MVB12B: variants seen among roughly 807,000 people sequenced by gnomAD.
MVB12B encodes multivesicular body subunit 12B.
In MVB12B, 16 loss-of-function variants were observed where a neutral mutation model predicts 41.6. The observed-to-expected ratio is 0.38, with a 90% CI of 0.26 to 0.58. MVB12B has a LOEUF of 0.58. MVB12B is among the 20% of genes least tolerant of loss of function. The probability of loss-of-function intolerance (pLI) is 0.62; values close to 1 mark genes in which losing one functional copy is unlikely to be tolerated. For missense variants in MVB12B, 274 were observed against 380.2 expected (o/e 0.72, Z 2.32); for synonymous variants, 133 against 139.7 (o/e 0.95, Z 0.34).
intron 9 of MVB12B, among the ~76,000 whole-genome samples, chr9:126,496,123 C>T (rs894501938): frequency 6.6e-6 from 1 of 152,102 alleles, no homozygotes; most frequent in African/African-American, 2.4e-5. Flanking sequence ...TAGCTGCTTT[C>T]TCTCCTTTGC....
At chr9:126,461,853 G>T (rs1833098670) in intron 7 of MVB12B, among the ~76,000 whole-genome samples, 3 of 86,032 alleles carry the variant, frequency 3.5e-5, no homozygotes, top group African/African-American at 1.4e-4. Context: ...GTGCCCGTGG[G>T]GGTTGAGAGC....
chr9:126,350,075 T>TC lies in MVB12B; in HGVS notation c.204+9448dup, dbSNP rs1829706535. On this transcript the variant is annotated intron_variant, in intron 2 of 9. Coordinates refer to ENST00000361171, the MANE Select transcript of MVB12B (RefSeq NM_033446.3). ...AATTCATTTGGTTTCACACTGTATTTCCCTAGTGGTTAATGAATGATGTTG... is the reference window on the plus strand; with the variant it reads ...AATTCATTTGGTTTCACACTGTATTTCCCCTAGTGGTTAATGAATGATGTTG... Among the ~76,000 whole-genome samples the TC allele has an allele frequency of 2.0e-5, 3 of 152,360 alleles. No homozygotes were observed. The South Asian group carries it at 6.2e-4, about 32-fold the overall frequency.
At chr9:126,464,885 T>G (rs1321872566) in intron 7 of MVB12B, among the ~76,000 whole-genome samples, 1 of 152,202 alleles carries the variant, frequency 6.6e-6, no homozygotes, top group Admixed American at 6.5e-5. Flanking sequence ...GGAATGCCAG[T>G]GCCAGGGCCA....
At chr9:126,408,618 T>A (rs1011980847) in intron 6 of MVB12B, among the ~76,000 whole-genome samples, 1 of 151,424 alleles carries the variant, frequency 6.6e-6, no homozygotes, top group African/African-American at 2.4e-5. Context: ...AGGATGTCCC[T>A]CCTTTTCGGC....
intron 7 of MVB12B, among the ~76,000 whole-genome samples, chr9:126,451,468 G>A (rs1832887225): frequency 6.6e-6 from 1 of 152,118 alleles, no homozygotes; most frequent in Non-Finnish European, 1.5e-5. Context: ...CCCAAGAGCT[G>A]CAGCCCATCC....
rs1457735582 is a variant in MVB12B, at chr9:126,480,140, T to C, written c.758-1229T>C. 6.6e-6 allele frequency among the ~76,000 whole-genome samples: 1 copy of C among 152,154 alleles called. No individual in the cohort carries two copies. Among genetic ancestry groups the C allele is most frequent in the Non-Finnish European group, 1.5e-5 (1 of 68,038 alleles). On this transcript the variant is annotated intron_variant, in intron 7 of 9. Transcript: ENST00000361171. The surrounding 1 kb of genome is among the most constrained non-coding windows in gnomAD (Gnocchi z 4.9). ...CTTGCTTCCATTGTGCTCACTCCGTTTCTCCCTGAAACCACAATTTACTGC... is the reference window on the plus strand; with the variant it reads ...CTTGCTTCCATTGTGCTCACTCCGTCTCTCCCTGAAACCACAATTTACTGC...
At chr9:126,467,054 G>A (rs1833216475) in intron 7 of MVB12B, among the ~76,000 whole-genome samples, 2 of 151,824 alleles carry the variant, frequency 1.3e-5, no homozygotes, top group African/African-American at 4.8e-5. Flanking sequence ...AGCTGGTCTC[G>A]AACTCCTGAG....
chr9:126,489,363 A>G (rs886499024), intron 9 of MVB12B, among the ~76,000 whole-genome samples: 15 of 152,198 alleles, frequency 9.9e-5, no homozygotes, highest in African/African-American at 3.4e-4. Flanking sequence ...ACAGCGCGGC[A>G]GTCAGGGCAC....
rs116582443 is a variant in MVB12B, at chr9:126,465,550, C to T, written c.758-15819C>T. Among the ~76,000 whole-genome samples the T allele has an allele frequency of 6.4e-3, 975 of 152,084 alleles. 12 individuals are homozygous for T. The highest frequency in any genetic ancestry group is 0.022 in the African/African-American group (931 of 41,464). On this transcript the variant is annotated intron_variant, in intron 7 of 9. Coordinates refer to ENST00000361171, the MANE Select transcript of MVB12B (RefSeq NM_033446.3). ...ATGCCAAGGCCAGTTCTCTTCCCAT[C>T]GTTACTTATTCAATAGGTTTCTTTG...
In MVB12B at chr9:126,327,026, G is replaced by C. The variant is rs1400051847; in HGVS notation, c.81+16G>C. On this transcript the variant is annotated intron_variant, in intron 1 of 9. Coordinates refer to ENST00000361171, the MANE Select transcript of MVB12B (RefSeq NM_033446.3). ...GCGGGGAACAGTTAAGTGAGGCCCG[G>C]GCGCCGCGGAGGCTCGGCGGAGCCG... The C allele has an allele frequency of 1.9e-5, 3 of 160,044 alleles. No homozygotes were observed. The East Asian group carries it at 5.5e-4, about 29-fold the overall frequency. The allele number at this position is 160,044 out of a possible 1,614,324, so 9.9% of individuals were successfully genotyped here.
At chr9:126,375,727 G>A (rs1399394659) in intron 2 of MVB12B, among the ~76,000 whole-genome samples, 1 of 152,184 alleles carries the variant, frequency 6.6e-6, no homozygotes, top group African/African-American at 2.4e-5. Flanking sequence ...CATCGGCAAA[G>A]GTCTTTATTC....
intron 7 of MVB12B, among the ~76,000 whole-genome samples, chr9:126,475,019 G>A (rs775640122): frequency 5.9e-5 from 9 of 152,170 alleles, no homozygotes; most frequent in Admixed American, 2.0e-4. Context: ...GTCAGATCAC[G>A]TCATTGACTT....
rs113255645 is a variant in MVB12B at position 126,473,656 on chromosome 9, G to A, written c.758-7713G>A. On this transcript the variant is annotated intron_variant, in intron 7 of 9. Coordinates refer to ENST00000361171, the MANE Select transcript of MVB12B (RefSeq NM_033446.3). This position sits in a 1 kb window ranked among gnomAD's most constrained non-coding sequence, Gnocchi z 4.0. ...ACACGCCTTTAAACAACCAGATCTC[G>A]CGAGGACTCACTCGCTATCACAAGG... is the stretch of plus-strand genomic sequence containing the variant. Among the ~76,000 whole-genome samples, 8 of 152,266 alleles carry A rather than the reference G, an allele frequency of 5.3e-5. No individual in the cohort carries two copies. In the East Asian group the frequency reaches 7.7e-4, roughly 15 times the overall value.
intron 5 of MVB12B, among the ~76,000 whole-genome samples, chr9:126,393,751 GC>G (rs1363170531): frequency 6.6e-6 from 1 of 152,226 alleles, no homozygotes; most frequent in Non-Finnish European, 1.5e-5. Context: ...ATGGTTTACA[GC>G]CCCCTCAGCC....
At chr9:126,357,527 T>C (rs1829915614) in intron 2 of MVB12B, among the ~76,000 whole-genome samples, 1 of 152,226 alleles carries the variant, frequency 6.6e-6, no homozygotes, top group Non-Finnish European at 1.5e-5. Context: ...AGTCATTCTT[T>C]TAATCTTAAC....
chr9:126,336,754 G>GCACACACACACACA lies in MVB12B; in HGVS notation c.82-3740_82-3727dup, dbSNP rs113110128. On this transcript the variant is annotated intron_variant, in intron 1 of 9. Coordinates refer to ENST00000361171, the MANE Select transcript of MVB12B (RefSeq NM_033446.3). The stretch of plus-strand genomic sequence containing the variant: ...CGCACATACATGTTTGTGTGTGCAC[G>GCACACACACACACA]CACACACACACACACACACACACAC... 1.2e-3 allele frequency among the ~76,000 whole-genome samples: 178 copies of GCACACACACACACA among 150,398 alleles called. 2 individuals carry two copies. In the East Asian group the frequency reaches 0.015, roughly 13 times the overall value.
chr9:126,491,727 A>G (rs956323850), intron 9 of MVB12B, among the ~76,000 whole-genome samples: 1 of 152,222 alleles, frequency 6.6e-6, no homozygotes, highest in Non-Finnish European at 1.5e-5. Flanking sequence ...AAATTCCTAC[A>G]GAGCTGTCAC....
chr9:126,393,045 G>T (rs1831004869), intron 5 of MVB12B, among the ~76,000 whole-genome samples: 1 of 152,170 alleles, frequency 6.6e-6, no homozygotes, highest in Non-Finnish European at 1.5e-5. Flanking sequence ...TGAGGCCTGG[G>T]CCCGTTTGTG....
chr9:126,368,077 T>C (rs1347928526), intron 2 of MVB12B, among the ~76,000 whole-genome samples: 1 of 152,196 alleles, frequency 6.6e-6, no homozygotes, highest in Non-Finnish European at 1.5e-5. Context: ...GAAGCAGTGG[T>C]TTCCGATGCA....
Sources: allele counts gnomAD v4.1 joint callset (sites outside exome capture counted in the v4.1 genomes callset), GRCh38; gene constraint gnomAD v4.1.1; non-coding constraint Gnocchi (gnomAD v3.1); transcripts MANE v1.5; gene names NCBI Gene and HGNC (gene_info 2026-07-23, HGNC 2026-07-21).